Variants in TBL1Y observed in about 807,000 individuals in gnomAD.
TBL1Y encodes the protein transducin beta like 1 Y-linked.
Under a neutral mutation model 12.0 loss-of-function variants are expected in TBL1Y, and 15 were observed. That is an observed-to-expected ratio of 1.25 (90% CI 0.83 to 1.92). The LOEUF (loss-of-function observed/expected upper bound fraction) is 1.92. TBL1Y is among the 40% of genes most tolerant of loss of function. TBL1Y has a pLI of 0.00. For synonymous variants in TBL1Y, 53 were observed against 42.6 expected (o/e 1.24, Z -0.95); for missense variants, 148 against 116.7 (o/e 1.27, Z -1.24).
chrY:7,060,648 G>A (rs1025529891), intron 7 of TBL1Y, among the ~76,000 whole-genome samples: 5 of 32,851 alleles, frequency 1.5e-4, no homozygotes, highest in East Asian at 7.8e-4. Flanking sequence ...GTTGAAAACC[G>A]TGTAAGTTTG....
At position 7,091,483 on chromosome Y, in the gene TBL1Y, G is replaced by A; in HGVS notation, c.1560G>A (p.Leu520=). 1 of 381,831 alleles carries A rather than the reference G, an allele frequency of 2.6e-6. No individual in the cohort carries two copies. The highest frequency in any genetic ancestry group is 3.6e-6 in the Non-Finnish European group (1 of 275,099). The change falls in exon 19 of 19, where the codon CTG becomes CTA. Residue 520 remains leucine (L), a synonymous_variant. Coordinates refer to ENST00000383032, the MANE Select transcript of TBL1Y (RefSeq NM_033284.2). ...ASASDGSVCV[L]DL ...GTCTTTCCTTCCAGGTGTGTGTTCT[G>A]GATCTGTGAAAGTAAACACAAAATA... is the stretch of plus-strand genomic sequence containing the variant.
At chrY:6,912,940 T>G in intron 2 of TBL1Y, among the ~76,000 whole-genome samples, 1 of 32,741 alleles carries the variant, frequency 3.1e-5, no homozygotes, top group Non-Finnish European at 7.5e-5. Context: ...CAACATAATC[T>G]TGGATTTTAG....
intron 2 of TBL1Y, among the ~76,000 whole-genome samples, chrY:6,946,857 G>A: frequency 2.9e-5 from 1 of 34,028 alleles, no homozygotes; most frequent in African/African-American, 1.2e-4. Context: ...ATAACTTGAA[G>A]CAAAGGCAGG....
chrY:6,976,672 A>G (rs902205594), intron 2 of TBL1Y, among the ~76,000 whole-genome samples: 2 of 33,518 alleles, frequency 6.0e-5, no homozygotes, highest in Non-Finnish European at 1.5e-4. Flanking sequence ...CGATGTTGGT[A>G]TAGTGTTCTC....
Position 6,912,515 on chromosome Y carries a change from G to A in TBL1Y, c.-266+343G>A, listed in dbSNP as rs1028543478. Among the ~76,000 whole-genome samples the A allele has an allele frequency of 2.7e-4, 9 of 33,011 alleles. No individual in the cohort carries two copies. In the East Asian group the frequency reaches 7.3e-3, roughly 27 times the overall value. The allele number at this position is 33,011 out of a possible 37,273, so 88.6% of individuals were successfully genotyped here. A position where few individuals can be genotyped will look rare whatever the true frequency, so the allele number is the denominator to read the frequency against. On this transcript the variant is annotated intron_variant, in intron 2 of 18. Coordinates refer to ENST00000383032, the MANE Select transcript of TBL1Y (RefSeq NM_033284.2). ...TTTGGCCCCTTTACTGGGCTCCGAG[G>A]AGTCCTCTGCTAGCAGTTTTAAAGA... is the stretch of plus-strand genomic sequence containing the variant.
intron 2 of TBL1Y, among the ~76,000 whole-genome samples, chrY:6,932,905 T>A: frequency 3.1e-5 from 1 of 32,748 alleles, no homozygotes; most frequent in Non-Finnish European, 7.5e-5. Context: ...CTGGACTTTT[T>A]TTTTTTCTTT....
At position 6,967,096 on chromosome Y, in the gene TBL1Y, C is replaced by T. The variant is rs2124120391; in HGVS notation, c.-265-11117C>T. ...CATAAGCACAGGGTGGTGGCCTCTG[C>T]GCAGGCCCATGCTTGAAGGTACTTG... On this transcript the variant is annotated intron_variant, in intron 2 of 18. Transcript: ENST00000383032. Among the ~76,000 whole-genome samples, 7 of 33,180 alleles carry T rather than the reference C, an allele frequency of 2.1e-4. No individual in the cohort carries two copies. In the South Asian group the frequency reaches 4.9e-3, roughly 23 times the overall value. The allele number at this position is 33,180 out of a possible 37,273, so 89.0% of individuals were successfully genotyped here.
intron 6 of TBL1Y, among the ~76,000 whole-genome samples, chrY:7,038,741 A>C: frequency 3.0e-5 from 1 of 33,338 alleles, no homozygotes; most frequent in African/African-American, 1.2e-4. Flanking sequence ...CAGATGTGAC[A>C]CTTAAGGAAC....
chrY:6,967,639 C>T, intron 2 of TBL1Y, among the ~76,000 whole-genome samples: 1 of 34,032 alleles, frequency 2.9e-5, no homozygotes, highest in Non-Finnish European at 7.3e-5. Context: ...CCCACCTTGG[C>T]CTCCCAAAGT....
intron 2 of TBL1Y, among the ~76,000 whole-genome samples, chrY:6,921,174 G>T: frequency 3.0e-5 from 1 of 32,924 alleles, no homozygotes; most frequent in African/African-American, 1.2e-4. Context: ...ATAGGGAGAA[G>T]GGGGTGGTTG....
intron 7 of TBL1Y, among the ~76,000 whole-genome samples, chrY:7,046,189 G>C: frequency 3.0e-5 from 1 of 33,062 alleles, no homozygotes; most frequent in Non-Finnish European, 7.4e-5. Flanking sequence ...CTACAGGAAA[G>C]CATTTAAAGC....
At chrY:7,068,560 C>G (rs2013003046) in intron 8 of TBL1Y, among the ~76,000 whole-genome samples, 2 of 31,818 alleles carry the variant, frequency 6.3e-5, no homozygotes, top group Non-Finnish European at 1.5e-4. Flanking sequence ...CTGCAACCTT[C>G]TGTCTAGACT....
chrY:7,014,127 G>T, intron 4 of TBL1Y, among the ~76,000 whole-genome samples: 1 of 33,355 alleles, frequency 3.0e-5, no homozygotes, highest in Admixed American at 2.7e-4. Context: ...CAAATCTCAC[G>T]TTGAATTGTA....
chrY:7,071,059 G>A (rs2013028385), intron 10 of TBL1Y, among the ~76,000 whole-genome samples, 198 bp downstream of exon 10: 2 of 33,694 alleles, frequency 5.9e-5, no homozygotes, highest in African/African-American at 1.2e-4. Context: ...ACAGTGAGCT[G>A]GTTGTTTGGT....
chrY:6,975,804 TA>T, intron 2 of TBL1Y, among the ~76,000 whole-genome samples: 1 of 33,073 alleles, frequency 3.0e-5, no homozygotes, highest in South Asian at 6.9e-4. Context: ...TTTACTGGAA[TA>T]AAAAAAATTA....
chrY:6,947,003 G>C, intron 2 of TBL1Y, among the ~76,000 whole-genome samples: 1 of 33,503 alleles, frequency 3.0e-5, no homozygotes, highest in Admixed American at 2.7e-4. Context: ...GGAGTGACTT[G>C]GAATAGAATG....
At chrY:7,086,201 C>T in intron 15 of TBL1Y, 89 bp from the exon 16 acceptor site, 1 of 364,663 alleles carries the variant, frequency 2.7e-6, no homozygotes, top group Non-Finnish European at 3.9e-6. Context: ...GGCCATTAGC[C>T]TCACTTATGC....
intron 4 of TBL1Y, among the ~76,000 whole-genome samples, chrY:6,998,337 C>G: frequency 2.4e-4 from 8 of 33,456 alleles, no homozygotes; most frequent in Non-Finnish European, 5.9e-4. Flanking sequence ...TTGGAGCCAT[C>G]AGAGCCCACA....
intron 7 of TBL1Y, among the ~76,000 whole-genome samples, chrY:7,059,880 C>A (rs922297695): frequency 3.0e-5 from 1 of 33,410 alleles, no homozygotes; most frequent in African/African-American, 1.2e-4. Flanking sequence ...TAGTGTTAAA[C>A]TTAGTTTTAA....
Sources: gnomAD v4.1 joint callset for allele counts (sites outside exome capture counted in the v4.1 genomes callset) on GRCh38, gnomAD v4.1.1 for gene constraint, MANE v1.5 for transcripts, NCBI Gene and HGNC (gene_info 2026-07-23, HGNC 2026-07-21) for gene names.